PPP2R2A: variants seen among roughly 807,000 people sequenced by gnomAD.
The protein encoded by PPP2R2A is protein phosphatase 2 regulatory subunit Balpha.
A neutral mutation model predicts 53.2 loss-of-function variants in PPP2R2A; 9 were observed. The observed-to-expected ratio is 0.17, with a 90% CI of 0.10 to 0.30. The LOEUF is 0.30. Ranked by LOEUF, PPP2R2A falls within the 10% of genes least tolerant of loss-of-function variation. The pLI, the probability that PPP2R2A is intolerant of heterozygous loss-of-function variation, is 1.00. For missense variants in PPP2R2A, 235 were observed against 534.6 expected (o/e 0.44, Z 5.53); for synonymous variants, 169 against 174.2 (o/e 0.97, Z 0.23).
intron 2 of PPP2R2A, among the ~76,000 whole-genome samples, chr8:26,320,322 A>G (rs1585350483): frequency 6.6e-6 from 1 of 152,212 alleles, no homozygotes; most frequent in Admixed American, 6.5e-5. Flanking sequence ...ATCAGCAAAT[A>G]CGTTGCTGCC....
In PPP2R2A at chr8:26,338,991, A is replaced by C; in HGVS notation, c.180+4A>C. On this transcript the variant is annotated splice_donor_region_variant and intron_variant, in intron 3 of 9. Transcript: ENST00000380737. The surrounding 1 kb of genome is among the most constrained non-coding windows in gnomAD (Gnocchi z 4.5). Reference sequence around the variant, plus strand: ...CATCTTTCAACAGGAGCAGGAGGTAAGTGTTTAAAGTTTATTGTCTAAATT... The same window carrying C: ...CATCTTTCAACAGGAGCAGGAGGTACGTGTTTAAAGTTTATTGTCTAAATT... The C allele has an allele frequency of 1.3e-6, 2 of 1,583,118 alleles. No homozygotes were observed. The highest frequency in any genetic ancestry group is 1.7e-6 in the Non-Finnish European group (2 of 1,153,372).
chr8:26,353,499 C>CT (rs1253819003), intron 3 of PPP2R2A, among the ~76,000 whole-genome samples: 10 of 152,302 alleles, frequency 6.6e-5, no homozygotes, highest in Admixed American at 5.9e-4. Context: ...CTCACTTTTA[C>CT]TTAAAATAGT....
intron 2 of PPP2R2A, chr8:26,298,506 A>C (rs1294816375): frequency 6.6e-6 from 1 of 152,214 alleles, no homozygotes; most frequent in Admixed American, 6.5e-5. Context: ...ATGTTACATC[A>C]CACACTATGA....
chr8:26,301,812 T>G (rs1801804472), intron 2 of PPP2R2A, among the ~76,000 whole-genome samples: 1 of 152,240 alleles, frequency 6.6e-6, no homozygotes, highest in African/African-American at 2.4e-5. Context: ...GATACTTGCC[T>G]TTTTCAATAC....
chr8:26,347,102 A>C (rs1804256475), intron 3 of PPP2R2A, among the ~76,000 whole-genome samples: 1 of 152,230 alleles, frequency 6.6e-6, no homozygotes, highest in South Asian at 2.1e-4. Flanking sequence ...CACATGAAGA[A>C]AACGTGATCC....
intron 2 of PPP2R2A, among the ~76,000 whole-genome samples, chr8:26,303,727 C>T (rs898222823): frequency 2.0e-5 from 3 of 151,776 alleles, no homozygotes; most frequent in Non-Finnish European, 4.4e-5. Flanking sequence ...GTTTTCTGTC[C>T]AGGTTTAAAC....
chr8:26,304,018 C>T (rs188530251), intron 2 of PPP2R2A, among the ~76,000 whole-genome samples: 49 of 152,318 alleles, frequency 3.2e-4, no homozygotes, highest in African/African-American at 1.2e-3. Context: ...TTCCAGTTCA[C>T]AGGGTCTGTG....
At chr8:26,300,042 T>C (rs1801711110) in intron 2 of PPP2R2A, among the ~76,000 whole-genome samples, 1 of 152,214 alleles carries the variant, frequency 6.6e-6, no homozygotes, top group African/African-American at 2.4e-5. Context: ...ACCCATTAAA[T>C]ACCATGAATG....
At chr8:26,297,061 G>T (rs999542265) in intron 2 of PPP2R2A, among the ~76,000 whole-genome samples, 1 of 152,110 alleles carries the variant, frequency 6.6e-6, no homozygotes, top group African/African-American at 2.4e-5. Flanking sequence ...GCTCTTCCTT[G>T]TACTTTAATC....
intron 2 of PPP2R2A, among the ~76,000 whole-genome samples, chr8:26,323,642 G>A (rs1043609752): frequency 2.6e-5 from 4 of 152,162 alleles, no homozygotes; most frequent in African/African-American, 9.7e-5. Context: ...CAAATGAACA[G>A]CTACATGAAG....
At chr8:26,308,857 A>AATATAT (rs148077226) in intron 2 of PPP2R2A, among the ~76,000 whole-genome samples, 2 of 149,516 alleles carry the variant, frequency 1.3e-5, no homozygotes, top group African/African-American at 2.5e-5. Context: ...AGCCTTACAA[A>AATATAT]ATATATATAT....
intron 3 of PPP2R2A, among the ~76,000 whole-genome samples, chr8:26,352,084 C>A (rs1291715991): frequency 6.6e-6 from 1 of 152,066 alleles, no homozygotes; most frequent in East Asian, 1.9e-4. Context: ...TCATAGTGAT[C>A]ATAAAGGCAA....
At position 26,370,654 on chromosome 8, in the gene PPP2R2A, C is replaced by A. The variant is rs1314847935; in HGVS notation, c.*241C>A. The A allele has an allele frequency of 1.9e-6, 1 of 528,856 alleles. No individual in the cohort carries two copies. The highest frequency in any genetic ancestry group is 3.4e-6 in the Non-Finnish European group (1 of 293,166). 32.8% of individuals were successfully genotyped at this position (528,856 alleles called of 1,614,324 possible). On this transcript the variant is annotated 3_prime_UTR_variant, in exon 10 of 10. Transcript: ENST00000380737. The surrounding 1 kb of genome is among the most constrained non-coding windows in gnomAD (Gnocchi z 6.1). Reference sequence around the variant, plus strand: ...AGGGCACTTTTAATTTAAATGACTTCTTGCACCATCTTGCCTAATGGACTA... The same window carrying A: ...AGGGCACTTTTAATTTAAATGACTTATTGCACCATCTTGCCTAATGGACTA...
In PPP2R2A at chr8:26,291,804, C is replaced by G. The variant is rs779337209; in HGVS notation, c.-16C>G. ...GACCCCGAGGAACCCAGCAGGGTCACCATTTGCAGCGCAACATGGCAGGTA... is the reference window on the plus strand; with the variant it reads ...GACCCCGAGGAACCCAGCAGGGTCAGCATTTGCAGCGCAACATGGCAGGTA... On this transcript the variant is annotated 5_prime_UTR_variant, in exon 1 of 10. Transcript: ENST00000380737. 1.9e-6 allele frequency: 3 copies of G among 1,604,820 alleles called. No homozygotes were observed. Among genetic ancestry groups the G allele is most frequent in the Admixed American group, 1.7e-5 (1 of 58,872 alleles).
chr8:26,365,822 A>G (rs1805344714), intron 8 of PPP2R2A: 1 of 152,322 alleles, frequency 6.6e-6, no homozygotes, highest in South Asian at 2.1e-4. Context: ...TCACCAAACC[A>G]AGGCATGGTT....
intron 2 of PPP2R2A, among the ~76,000 whole-genome samples, chr8:26,327,297 T>C (rs1393625526): frequency 6.6e-6 from 1 of 152,216 alleles, no homozygotes; most frequent in Admixed American, 6.5e-5. Context: ...CCTCCATGCC[T>C]ACTGCCCTTC....
chr8:26,330,683 G>A (rs1383660580), intron 2 of PPP2R2A, among the ~76,000 whole-genome samples: 1 of 151,972 alleles, frequency 6.6e-6, no homozygotes, highest in Non-Finnish European at 1.5e-5. Flanking sequence ...GTGTCTGCTA[G>A]GACCTTAATT....
chr8:26,330,307 CTTTTTTT>C (rs11351968), intron 2 of PPP2R2A, among the ~76,000 whole-genome samples: 2,025 of 129,964 alleles, frequency 0.016, 21 homozygotes, highest in Non-Finnish European at 0.023. Flanking sequence ...ATTCTTTTTT[CTTTTTTT>C]TTTTTTTTTT....
rs534436360 is a variant in PPP2R2A, at chr8:26,318,849, A to G, written c.83-20041A>G. On this transcript the variant is annotated intron_variant, in intron 2 of 9. Transcript: ENST00000380737. ...TTGGGACTTTTTATGTGGGATGACA[A>G]TCTTTTTATTGTGGTAAAATACACA... is the stretch of plus-strand genomic sequence containing the variant. Among the ~76,000 whole-genome samples, 11 of 152,296 alleles carry G rather than the reference A, an allele frequency of 7.2e-5. 1 individual carries two copies. The South Asian group carries it at 1.4e-3, about 20-fold the overall frequency.
Sources: gnomAD v4.1 joint callset for allele counts (sites outside exome capture counted in the v4.1 genomes callset) on GRCh38, gnomAD v4.1.1 for gene constraint, Gnocchi (gnomAD v3.1) non-coding constraint, MANE v1.5 for transcripts, NCBI Gene and HGNC (gene_info 2026-07-23, HGNC 2026-07-21) for gene names.